Variants in ADAMTS9 observed in about 807,000 individuals in gnomAD.
ADAMTS9 encodes A disintegrin and metalloproteinase with thrombospondin motifs 9.
ADAMTS9 carries 107 observed loss-of-function variants against 257.1 expected under a neutral mutation model. The ratio of observed to expected loss-of-function variants is 0.42; its 90% CI spans 0.36 to 0.49. The LOEUF is 0.49. Among genes scored for constraint, ADAMTS9 ranks in the 20% least tolerant of loss-of-function variants. ADAMTS9 has a pLI of 0.03. For missense variants in ADAMTS9, 2,353 were observed against 2,469.1 expected (o/e 0.95, Z 1.00); for synonymous variants, 982 against 880.9 (o/e 1.11, Z -2.03).
In ADAMTS9 at chr3:64,616,275, A is replaced by C. The variant is rs548014585; in HGVS notation, c.2814-105T>G. 120 of 1,227,616 alleles carry C rather than the reference A, an allele frequency of 9.8e-5. 1 individual carries two copies. The South Asian group carries it at 1.5e-3, about 16-fold the overall frequency. The allele number at this position is 1,227,616 out of a possible 1,614,324, so 76.0% of individuals were successfully genotyped here. On this transcript the variant is annotated intron_variant, in intron 19 of 39. Coordinates refer to ENST00000498707, the MANE Select transcript of ADAMTS9 (RefSeq NM_182920.2). ...AGAGTTGAGTTCTTTTTTCTTTCTT[A>C]ACTCGAATACCATGAAGCCCAAAGC... is the stretch of plus-strand genomic sequence containing the variant.
intron 11 of ADAMTS9, among the ~76,000 whole-genome samples, chr3:64,646,254 T>A (rs1700784418): frequency 6.6e-6 from 1 of 152,218 alleles, no homozygotes; most frequent in African/African-American, 2.4e-5. Context: ...ATAGGTATCA[T>A]GTTTATTGTC....
intron 8 of ADAMTS9, 63 bp downstream of exon 8, chr3:64,654,290 A>T (rs1459487703): frequency 6.8e-7 from 1 of 1,476,278 alleles, no homozygotes; most frequent in African/African-American, 1.4e-5. Flanking sequence ...ATGCTCACTG[A>T]TGCGAAGGAA....
At chr3:64,649,003 C>T (rs964168490) in intron 10 of ADAMTS9, among the ~76,000 whole-genome samples, 4 of 152,126 alleles carry the variant, frequency 2.6e-5, no homozygotes, top group African/African-American at 7.2e-5. Context: ...AACACACATA[C>T]GCCACCCCAA....
intron 3 of ADAMTS9, among the ~76,000 whole-genome samples, chr3:64,672,311 G>C (rs557716218): frequency 5.3e-5 from 8 of 152,210 alleles, no homozygotes; most frequent in Non-Finnish European, 1.0e-4. Context: ...GCAAGAAACA[G>C]GGAAAGGTCC....
At chr3:64,674,443 A>C (rs2107025804) in intron 3 of ADAMTS9, among the ~76,000 whole-genome samples, 1 of 152,260 alleles carries the variant, frequency 6.6e-6, no homozygotes, top group South Asian at 2.1e-4. Flanking sequence ...AAGTTTGTTC[A>C]CCTCTCTGAG....
chr3:64,637,148 A>C (rs1700520893), intron 12 of ADAMTS9, among the ~76,000 whole-genome samples: 1 of 152,248 alleles, frequency 6.6e-6, no homozygotes, highest in East Asian at 1.9e-4. Context: ...TCTGAACTAC[A>C]TATGTTTCCT....
At chr3:64,680,609 A>T (rs1701729729) in intron 3 of ADAMTS9, among the ~76,000 whole-genome samples, 1 of 152,190 alleles carries the variant, frequency 6.6e-6, no homozygotes, top group Admixed American at 6.5e-5. Flanking sequence ...GAAGGAGACT[A>T]GCAGTGGGCA....
At chr3:64,581,369 T>G (rs1207591180) in intron 28 of ADAMTS9, among the ~76,000 whole-genome samples, 2 of 152,132 alleles carry the variant, frequency 1.3e-5, no homozygotes, top group African/African-American at 4.8e-5. Context: ...ATTTTTAATT[T>G]CATTTAAAAT....
rs1199987374 is a variant in ADAMTS9, at chr3:64,654,384, C to G, written c.1285G>C (p.Ala429Pro). Residue 429 changes from alanine to proline, a missense_variant, in exon 8 of 40, where the codon GCT becomes CCT. Ala to Pro is a conservative substitution (Grantham distance 27). Coordinates refer to ENST00000498707, the MANE Select transcript of ADAMTS9 (RefSeq NM_182920.2). The part of the protein sequence containing the change: ...SISEDSGLST[A>P]FTIAHELGHV... ...CCCAGCTCATGGGCGATCGTAAAAG[C>G]TGTACTCAATCCACTATCTTCACTA... 6.2e-7 allele frequency: 1 copy of G among 1,614,088 alleles called. No individual in the cohort carries two copies. The highest frequency in any genetic ancestry group is 8.5e-7 in the Non-Finnish European group (1 of 1,179,966).
Position 64,604,012 on chromosome 3 carries a change from C to T in ADAMTS9, c.3657G>A (p.Glu1219=). The T allele has an allele frequency of 1.2e-6, 2 of 1,614,064 alleles. No individual in the cohort carries two copies. The highest frequency in any genetic ancestry group is 1.7e-6 in the Non-Finnish European group (2 of 1,180,006). The part of the protein sequence containing the change: ...CRDENGSVAD[E]SACATLPRPV... ...GTCTAGGCAGGGTAGCACAGGCACTCTCGTCAGCCACAGAGCCATTCTCAT... is the reference window on the plus strand; with the variant it reads ...GTCTAGGCAGGGTAGCACAGGCACTTTCGTCAGCCACAGAGCCATTCTCAT... Residue 1219 remains glutamate (E), a synonymous_variant, in exon 25 of 40, where the codon GAG becomes GAA. Transcript: ENST00000498707.
intron 3 of ADAMTS9, among the ~76,000 whole-genome samples, chr3:64,667,079 G>A (rs927879163): frequency 3.3e-5 from 5 of 152,110 alleles, no homozygotes; most frequent in Non-Finnish European, 5.9e-5. Flanking sequence ...AGTGCTACAT[G>A]CACAGTGCTG....
chr3:64,674,459 C>T (rs759962941), intron 3 of ADAMTS9, among the ~76,000 whole-genome samples: 15 of 152,192 alleles, frequency 9.9e-5, no homozygotes. Context: ...CTGAGTTCAG[C>T]TTTCTCATTT....
chr3:64,658,765 T>G lies in ADAMTS9; in HGVS notation c.706A>C (p.Lys236Gln). 1 of 1,613,918 alleles carries G rather than the reference T, an allele frequency of 6.2e-7. No individual in the cohort carries two copies. Among genetic ancestry groups the G allele is most frequent in the Non-Finnish European group, 8.5e-7 (1 of 1,179,910 alleles). The change falls in exon 4 of 40, where the codon AAG becomes CAG. Residue 236 changes from lysine to glutamine, a missense_variant. Lys to Gln is a moderately conservative substitution (Grantham distance 53, BLOSUM62 1). This residue lies in a region of ADAMTS9 where 591 missense variants were observed against 569.6 expected (regional missense o/e 1.04). Transcript: ENST00000498707. ...CATTTTCTTGCTCTGGTTTTCTTCTTGTCTTTACTGTGCCTATTTTTGTGT... is the reference window on the plus strand; with the variant it reads ...CATTTTCTTGCTCTGGTTTTCTTCTGGTCTTTACTGTGCCTATTTTTGTGT... ...SEHKNRHSKD[K>Q]KKTRARKWGE...
intron 37 of ADAMTS9, among the ~76,000 whole-genome samples, chr3:64,537,468 G>A (rs2083065511): frequency 5.9e-5 from 9 of 152,162 alleles, no homozygotes; most frequent in Admixed American, 5.9e-4. Context: ...CCTGGGTAAT[G>A]GAAGAAAGGC....
At chr3:64,684,301 G>A (rs1701835692) in intron 2 of ADAMTS9, among the ~76,000 whole-genome samples, 1 of 151,418 alleles carries the variant, frequency 6.6e-6, no homozygotes, top group Admixed American at 6.6e-5. Context: ...GAAAAGTGAA[G>A]CGGGATAGAT....
intron 26 of ADAMTS9, among the ~76,000 whole-genome samples, chr3:64,600,843 T>A (rs1055490992): frequency 1.3e-5 from 2 of 152,204 alleles, no homozygotes; most frequent in African/African-American, 4.8e-5. Context: ...TACTGAAACA[T>A]AACCGCAGTG....
chr3:64,561,890 C>T (rs2083433421), intron 29 of ADAMTS9, 139 bp from the exon 30 acceptor site: 1 of 711,428 alleles, frequency 1.4e-6, no homozygotes, highest in African/African-American at 1.8e-5. Context: ...TTCTAATTTG[C>T]AATGAAAGGG....
At chr3:64,551,672 GAC>G (rs1443930377) in intron 30 of ADAMTS9, among the ~76,000 whole-genome samples, 2 of 152,114 alleles carry the variant, frequency 1.3e-5, no homozygotes, top group African/African-American at 4.8e-5. Context: ...ACTTGATATT[GAC>G]ACTTATGGCC....
At position 64,687,520 on chromosome 3, in the gene ADAMTS9, C is replaced by G; in HGVS notation, c.115+23G>C. On this transcript the variant is annotated intron_variant, in intron 1 of 39. Transcript: ENST00000498707. The surrounding 1 kb of genome is among the most constrained non-coding windows in gnomAD (Gnocchi z 4.4). ...GAGGCGGCGTCGGGGCCGGCGGGGTCCCGGGGGCCGGAGCCTGGTTACCTT... is the reference window on the plus strand; with the variant it reads ...GAGGCGGCGTCGGGGCCGGCGGGGTGCCGGGGGCCGGAGCCTGGTTACCTT... 6.6e-7 allele frequency: 1 copy of G among 1,510,326 alleles called. No homozygotes were observed. The allele number at this position is 1,510,326 out of a possible 1,614,324, so 93.6% of individuals were successfully genotyped here. A position where few individuals can be genotyped will look rare whatever the true frequency, so the allele number is the denominator to read the frequency against.
Sources: allele counts gnomAD v4.1 joint callset (sites outside exome capture counted in the v4.1 genomes callset), GRCh38; gene constraint gnomAD v4.1.1; regional missense constraint gnomAD v4.1.1; non-coding constraint Gnocchi (gnomAD v3.1); transcripts MANE v1.5; gene names NCBI Gene and HGNC (gene_info 2026-07-23, HGNC 2026-07-21).